PTPRM: variants seen among roughly 807,000 people sequenced by gnomAD.
PTPRM encodes receptor-type tyrosine-protein phosphatase mu.
A neutral mutation model predicts 186.7 loss-of-function variants in PTPRM; 47 were observed. The ratio of observed to expected loss-of-function variants is 0.25; its 90% CI spans 0.20 to 0.32. PTPRM has a LOEUF of 0.32. Ranked by LOEUF, PTPRM falls within the 10% of genes least tolerant of loss-of-function variation. The pLI is 1.00. For missense variants in PTPRM, 1,494 were observed against 1,865.0 expected, an observed-to-expected ratio of 0.80 and a Z score of 3.66; for synonymous variants, 668 against 674.9, an observed-to-expected ratio of 0.99 and a Z score of 0.16.
intron 2 of PTPRM, among the ~76,000 whole-genome samples, chr18:7,858,080 G>A (rs180796814): frequency 1.3e-5 from 2 of 152,116 alleles, no homozygotes; most frequent in Admixed American, 1.3e-4. Context: ...TTAAGCTTAG[G>A]TTCATCATAG....
At chr18:8,171,830 T>G (rs1200900385) in intron 14 of PTPRM, among the ~76,000 whole-genome samples, 1 of 152,232 alleles carries the variant, frequency 6.6e-6, no homozygotes, top group African/African-American at 2.4e-5. Flanking sequence ...ACTTCATAGG[T>G]TAGCCTAGCC....
chr18:7,706,145 G>C (rs1217548517), intron 1 of PTPRM, among the ~76,000 whole-genome samples: 1 of 151,288 alleles, frequency 6.6e-6, no homozygotes, highest in Non-Finnish European at 1.5e-5. Flanking sequence ...TTTTTTTCCA[G>C]TATTGTTTTG....
intron 2 of PTPRM, among the ~76,000 whole-genome samples, chr18:7,877,298 T>A (rs1381697318): frequency 1.3e-5 from 2 of 152,162 alleles, no homozygotes; most frequent in Non-Finnish European, 2.9e-5. Flanking sequence ...TATTTGAAAA[T>A]TCATGTTTAG....
At chr18:7,666,594 A>C (rs1287041567) in intron 1 of PTPRM, among the ~76,000 whole-genome samples, 1 of 152,250 alleles carries the variant, frequency 6.6e-6, no homozygotes, top group Non-Finnish European at 1.5e-5. Context: ...CAACAGTTCT[A>C]GGCTGTCTTC....
intron 2 of PTPRM, among the ~76,000 whole-genome samples, chr18:7,817,871 C>G (rs1245397839): frequency 6.6e-6 from 1 of 152,118 alleles, no homozygotes; most frequent in Non-Finnish European, 1.5e-5. Flanking sequence ...GAGTAAGACT[C>G]CCGGAAGCTG....
chr18:7,645,577 A>G (rs1324852005), intron 1 of PTPRM, among the ~76,000 whole-genome samples: 1 of 152,250 alleles, frequency 6.6e-6, no homozygotes, highest in Non-Finnish European at 1.5e-5. Flanking sequence ...ACAAATGCTA[A>G]TATAAACTGT....
At chr18:7,659,729 T>G (rs766749903) in intron 1 of PTPRM, among the ~76,000 whole-genome samples, 2 of 152,226 alleles carry the variant, frequency 1.3e-5, no homozygotes, top group Non-Finnish European at 2.9e-5. Context: ...TCGTGACACA[T>G]GTTTTCTTTG....
intron 11 of PTPRM, among the ~76,000 whole-genome samples, chr18:8,100,627 T>C (rs1034551014): frequency 2.0e-5 from 3 of 152,194 alleles, no homozygotes; most frequent in Admixed American, 2.0e-4. Flanking sequence ...CAGGGACAAA[T>C]ATCCAAACTA....
chr18:7,955,063 G>T, intron 6 of PTPRM, 58 bp from the exon 7 acceptor site: 3 of 1,435,162 alleles, frequency 2.1e-6, no homozygotes, highest in South Asian at 1.5e-5. Flanking sequence ...TGCATGTTTA[G>T]CTCTTTTAAG....
At chr18:7,814,101 T>C (rs995380226) in intron 2 of PTPRM, 3 of 152,278 alleles carry the variant, frequency 2.0e-5, no homozygotes, top group African/African-American at 7.2e-5. Context: ...CACATCTCCA[T>C]GCTTGACATC....
intron 1 of PTPRM, 28 bp from the exon 2 acceptor site, chr18:7,774,121 C>T (rs753603949): frequency 6.3e-7 from 1 of 1,591,062 alleles, no homozygotes; most frequent in Non-Finnish European, 8.6e-7. Flanking sequence ...TTGGTATTTA[C>T]ATTACTTTTT....
intron 7 of PTPRM, among the ~76,000 whole-genome samples, chr18:8,017,182 GTA>G (rs1482442083): frequency 2.4e-4 from 37 of 152,102 alleles, no homozygotes; most frequent in Non-Finnish European, 1.2e-4. Flanking sequence ...GTTTTACACA[GTA>G]TATCACATTT....
chr18:8,331,452 A>G (rs1369671516), intron 22 of PTPRM, among the ~76,000 whole-genome samples: 1 of 152,156 alleles, frequency 6.6e-6, no homozygotes, highest in Non-Finnish European at 1.5e-5. Flanking sequence ...TCCCCACTAA[A>G]AGAAGATAGG....
At chr18:8,192,136 A>G (rs1047864375) in intron 14 of PTPRM, among the ~76,000 whole-genome samples, 1 of 152,120 alleles carries the variant, frequency 6.6e-6, no homozygotes, top group Non-Finnish European at 1.5e-5. Context: ...TTATCACTGT[A>G]AGAAAGATGC....
At chr18:8,394,305 C>G (rs2148599016) in intron 31 of PTPRM, among the ~76,000 whole-genome samples, 171 bp from the exon 32 acceptor site, 1 of 152,252 alleles carries the variant, frequency 6.6e-6, no homozygotes, top group East Asian at 1.9e-4. Flanking sequence ...CTGCGGATGG[C>G]TTGCTCTGTT....
intron 11 of PTPRM, among the ~76,000 whole-genome samples, chr18:8,098,833 A>G (rs1327412538): frequency 6.6e-6 from 1 of 151,426 alleles, no homozygotes; most frequent in Non-Finnish European, 1.5e-5. Flanking sequence ...TGTCTTTCTC[A>G]GGTCTCCAAT....
At chr18:7,661,595 A>G (rs936045002) in intron 1 of PTPRM, among the ~76,000 whole-genome samples, 3 of 152,258 alleles carry the variant, frequency 2.0e-5, no homozygotes, top group Non-Finnish European at 2.9e-5. Flanking sequence ...CCAATCATTC[A>G]TAAAAATGAA....
intron 2 of PTPRM, among the ~76,000 whole-genome samples, chr18:7,852,902 T>C (rs542437921): frequency 6.6e-6 from 1 of 152,198 alleles, no homozygotes; most frequent in Non-Finnish European, 1.5e-5. Flanking sequence ...CATAGTTACA[T>C]AGCCTAAACA....
At chr18:8,309,258 AT>A (rs2095249883) in intron 20 of PTPRM, among the ~76,000 whole-genome samples, 2 of 152,086 alleles carry the variant, frequency 1.3e-5, no homozygotes, top group South Asian at 4.1e-4. Context: ...GATTGTACTA[AT>A]TTTCATTTCC....
Sources: gnomAD v4.1 joint callset for allele counts (sites outside exome capture counted in the v4.1 genomes callset) on GRCh38, gnomAD v4.1.1 for gene constraint, MANE v1.5 for transcripts, NCBI Gene and HGNC (gene_info 2026-07-23, HGNC 2026-07-21) for gene names.